ESYT1: variants seen among roughly 807,000 people sequenced by gnomAD.
ESYT1 encodes extended synaptotagmin-1.
In ESYT1, 116 loss-of-function variants were observed where a neutral mutation model predicts 154.2. That is an observed-to-expected ratio of 0.75 (90% CI 0.65 to 0.88). The LOEUF is 0.88. Ranked by LOEUF, ESYT1 falls within the 40% of genes least tolerant of loss-of-function variation. ESYT1 has a pLI of 0.00. For missense variants in ESYT1, 1,264 were observed against 1,379.3 expected, an observed-to-expected ratio of 0.92 and a Z score of 1.32; for synonymous variants, 500 against 539.9, an observed-to-expected ratio of 0.93 and a Z score of 1.02.
chr12:56,130,746 G>A (rs748525160), intron 2 of ESYT1, 45 bp from the exon 3 acceptor site: 4 of 1,613,202 alleles, frequency 2.5e-6, no homozygotes, highest in South Asian at 2.2e-5. Flanking sequence ...CTTGCCTTGA[G>A]AGGGAAGACT....
Position 56,130,826 on chromosome 12 carries a change from T to C in ESYT1, c.468T>C (p.Tyr156=). 1 of 1,614,078 alleles carries C rather than the reference T, an allele frequency of 6.2e-7. No individual in the cohort carries two copies. The highest frequency in any genetic ancestry group is 2.2e-5 in the East Asian group (1 of 44,878). ...VAQVWPFLGQ[Y]MEKLLAETVA... The stretch of plus-strand genomic sequence containing the variant: ...AGGTCTGGCCCTTCCTGGGCCAGTA[T>C]ATGGAGAAGCTTCTGGCTGAAACTG... Residue 156 remains tyrosine, a synonymous_variant, in exon 3 of 31, where the codon TAT becomes TAC. Coordinates refer to ENST00000394048, the MANE Select transcript of ESYT1 (RefSeq NM_015292.3).
In ESYT1 at chr12:56,141,596, C is replaced by A. The variant is rs376870876; in HGVS notation, c.2593-689C>A. Among the ~76,000 whole-genome samples the A allele has an allele frequency of 4.1e-3, 617 of 152,186 alleles. 3 individuals are homozygous for A. The highest frequency in any genetic ancestry group is 0.024 in the Middle Eastern group (7 of 294). ...TCTATTAAAAATACAAAAAATTAGC[C>A]GGGTGTGGTGGCGGACACCTGTAGT... On this transcript the variant is annotated intron_variant, in intron 24 of 30. Coordinates refer to ENST00000394048, the MANE Select transcript of ESYT1 (RefSeq NM_015292.3).
chr12:56,138,923 C>T lies in ESYT1; in HGVS notation c.2506-4C>T. The T allele has an allele frequency of 6.2e-7, 1 of 1,613,898 alleles. No homozygotes were observed. The highest frequency in any genetic ancestry group is 8.5e-7 in the Non-Finnish European group (1 of 1,179,814). ...TACTGATCATAAGCCCTCATCTCCA[C>T]CAGACTATTTCGCAAACTTCAGCCC... On this transcript the variant is annotated splice_region_variant and splice_polypyrimidine_tract_variant and intron_variant, in intron 23 of 30. Transcript: ENST00000394048.
rs61733171 is a variant in ESYT1, at chr12:56,137,256, G to T, written c.1821G>T (p.Thr607=). Residue 607 remains threonine (T), a synonymous_variant, in exon 17 of 31, where the codon ACG becomes ACT. Transcript: ENST00000394048. ...ATTCATCAGAAATATGCTTCCCCAC[G>T]GTGCCTGGTTGTCCTGGTGCTTGGG... is the stretch of plus-strand genomic sequence containing the variant. The part of the protein sequence containing the change: ...YLDSSEICFP[T]VPGCPGAWDV... The T allele has an allele frequency of 4.7e-3, 7,517 of 1,614,084 alleles. 330 individuals are homozygous for T. In the African/African-American group the frequency reaches 0.09, roughly 19 times the overall value.
intron 15 of ESYT1, among the ~76,000 whole-genome samples, chr12:56,135,568 T>C (rs1353650584): frequency 6.6e-6 from 1 of 151,730 alleles, no homozygotes; most frequent in African/African-American, 2.4e-5. Flanking sequence ...AGACAAGACA[T>C]ACACATATAA....
At chr12:56,139,079 C>A in intron 24 of ESYT1, 66 bp downstream of exon 24, 8 of 1,149,034 alleles carry the variant, frequency 7.0e-6, no homozygotes, top group Non-Finnish European at 9.2e-6. Flanking sequence ...AAACCAGGCA[C>A]AGAGCATTCA....
In ESYT1 at chr12:56,135,229, C is replaced by T. The variant is rs370997182; in HGVS notation, c.1632+801C>T. ...TGTTGCCCAGGCTGGAGTGCAATGGCGTGGTCTCGGCTCACCGCAACCTCC... is the reference window on the plus strand; with the variant it reads ...TGTTGCCCAGGCTGGAGTGCAATGGTGTGGTCTCGGCTCACCGCAACCTCC... On this transcript the variant is annotated intron_variant, in intron 15 of 30. Transcript: ENST00000394048. 3.9e-4 allele frequency among the ~76,000 whole-genome samples: 59 copies of T among 150,272 alleles called. No individual in the cohort carries two copies. The East Asian group carries it at 9.3e-3, about 24-fold the overall frequency.
At position 56,142,030 on chromosome 12, in the gene ESYT1, G is replaced by A. The variant is rs995948889; in HGVS notation, c.2593-255G>A. On this transcript the variant is annotated intron_variant, in intron 24 of 30. Coordinates refer to ENST00000394048, the MANE Select transcript of ESYT1 (RefSeq NM_015292.3). The surrounding 1 kb of genome is among the most constrained non-coding windows in gnomAD (Gnocchi z 4.1). ...GGAGAATCGCTTGAACCTGGGAGGCGGAGGTTGCGGTGAGACCAGATCACG... is the reference window on the plus strand; with the variant it reads ...GGAGAATCGCTTGAACCTGGGAGGCAGAGGTTGCGGTGAGACCAGATCACG... Among the ~76,000 whole-genome samples the A allele has an allele frequency of 2.0e-5, 3 of 151,656 alleles. No individual in the cohort carries two copies. Among genetic ancestry groups the A allele is most frequent in the East Asian group, 1.9e-4 (1 of 5,190 alleles).
At chr12:56,136,971 C>A in intron 16 of ESYT1, 78 bp downstream of exon 16, 2 of 1,488,406 alleles carry the variant, frequency 1.3e-6, no homozygotes, top group South Asian at 1.3e-5. Flanking sequence ...GGAAAGGGAC[C>A]CCCCTAAGAT....
At position 56,133,748 on chromosome 12, in the gene ESYT1, G is replaced by A. The variant is rs555852413; in HGVS notation, c.1381-33G>A. On this transcript the variant is annotated intron_variant, in intron 12 of 30. Coordinates refer to ENST00000394048, the MANE Select transcript of ESYT1 (RefSeq NM_015292.3). ...GGAAGTGTAGGGGACTTGGAACGGG[G>A]ACCAAGATCTGACTACTACCACCCC... 20 of 1,613,356 alleles carry A rather than the reference G, an allele frequency of 1.2e-5. No homozygotes were observed. In the South Asian group the frequency reaches 2.1e-4, roughly 17 times the overall value.
Position 56,142,673 on chromosome 12 carries a change from AC to A in ESYT1, c.2834del (p.Pro945LeufsTer14). The part of the protein sequence containing the change: ...LSEEPELSGG[P>X]PHITSSAPEL... ...GTGAAGAACCAGAGCTCTCGGGGGG[AC>A]CCCCTCACATCACCTCCTCAGCCCC... On this transcript the variant is annotated frameshift_variant, in exon 26 of 31. Transcript: ENST00000394048. LOFTEE classifies it high-confidence loss of function. This position sits in a 1 kb window ranked among gnomAD's most constrained non-coding sequence, Gnocchi z 4.1. 6.2e-7 allele frequency: 1 copy of A among 1,613,006 alleles called. No individual in the cohort carries two copies. The highest frequency in any genetic ancestry group is 8.5e-7 in the Non-Finnish European group (1 of 1,179,714).
chr12:56,128,944 G>A (rs991762401), intron 1 of ESYT1: 11 of 563,072 alleles, frequency 2.0e-5, no homozygotes, highest in African/African-American at 1.9e-4. Flanking sequence ...ACAGAATCAG[G>A]ACTTCTTCCT....
chr12:56,141,226 A>C (rs1870671946), intron 24 of ESYT1, among the ~76,000 whole-genome samples: 1 of 152,184 alleles, frequency 6.6e-6, no homozygotes, highest in South Asian at 2.1e-4. Context: ...ATGCTAGCAG[A>C]GTAGAAAGGA....
intron 24 of ESYT1, among the ~76,000 whole-genome samples, chr12:56,139,699 G>A (rs898352493): frequency 1.1e-4 from 16 of 150,194 alleles, no homozygotes; most frequent in South Asian, 6.4e-4. Context: ...AGGTTCAAGC[G>A]ATTCTCCTGC....
chr12:56,129,439 G>T (rs1236244816), intron 1 of ESYT1: 1 of 153,162 alleles, frequency 6.5e-6, no homozygotes, highest in Non-Finnish European at 1.5e-5. Flanking sequence ...TGCGGCGGCC[G>T]CGTCTCCTGT....
chr12:56,140,438 T>C (rs1176393401), intron 24 of ESYT1, among the ~76,000 whole-genome samples: 1 of 152,168 alleles, frequency 6.6e-6, no homozygotes, highest in African/African-American at 2.4e-5. Flanking sequence ...CGATCTCAGC[T>C]CACTGCAACC....
chr12:56,128,352 C>CA lies in ESYT1; in HGVS notation c.34dup (p.Ser12LysfsTer14). The stretch of plus-strand genomic sequence containing the variant: ...GATCTCCAGGAGAGGGCCCCAGCCC[C>CA]AGCCCCATGGACCAGCCCTCTGCTC... On this transcript the variant is annotated frameshift_variant, in exon 1 of 31. Coordinates refer to ENST00000394048, the MANE Select transcript of ESYT1 (RefSeq NM_015292.3). LOFTEE classifies it high-confidence loss of function. 6.2e-7 allele frequency: 1 copy of CA among 1,612,178 alleles called. No individual in the cohort carries two copies. Among genetic ancestry groups the CA allele is most frequent in the Non-Finnish European group, 8.5e-7 (1 of 1,179,448 alleles).
rs778047172 is a variant in ESYT1, at chr12:56,138,428, C to G, written c.2362C>G (p.Gln788Glu). The change falls in exon 22 of 31, where the codon CAG becomes GAG. Residue 788 changes from glutamine (Q) to glutamate (E), a missense_variant. Physicochemically the swap from Gln to Glu is conservative, Grantham distance 29 (BLOSUM62 2). Coordinates refer to ENST00000394048, the MANE Select transcript of ESYT1 (RefSeq NM_015292.3). ...EEVLQVNSLIQTQKSAELAAA... is the reference protein window; with the variant it reads ...EEVLQVNSLIETQKSAELAAA... ...GGTGCTGCAGGTGAATAGTTTGATCCAGACTCAGAAGAGTGCGGAGCTGGC... is the reference window on the plus strand; with the variant it reads ...GGTGCTGCAGGTGAATAGTTTGATCGAGACTCAGAAGAGTGCGGAGCTGGC... 8.7e-6 allele frequency: 14 copies of G among 1,613,596 alleles called. No individual in the cohort carries two copies. Among genetic ancestry groups the G allele is most frequent in the Non-Finnish European group, 1.1e-5 (13 of 1,179,880 alleles).
Position 56,128,341 on chromosome 12 carries a change from G to T in ESYT1, c.22G>T (p.Gly8Cys). The change falls in exon 1 of 31, where the codon GGC (glycine) becomes TGC (cysteine). Residue 8 changes from glycine to cysteine, a missense_variant. Physicochemically the swap from Gly to Cys is radical, Grantham distance 159. Coordinates refer to ENST00000394048, the MANE Select transcript of ESYT1 (RefSeq NM_015292.3). MERSPGE[G>C]PSPSPMDQPS... ...CACAATGGAGCGATCTCCAGGAGAG[G>T]GCCCCAGCCCCAGCCCCATGGACCA... is the stretch of plus-strand genomic sequence containing the variant. The T allele has an allele frequency of 1.9e-6, 3 of 1,611,582 alleles. No homozygotes were observed. The South Asian group carries it at 3.3e-5, about 18-fold the overall frequency.
Sources: allele counts gnomAD v4.1 joint callset (sites outside exome capture counted in the v4.1 genomes callset), GRCh38; gene constraint gnomAD v4.1.1; non-coding constraint Gnocchi (gnomAD v3.1); transcripts MANE v1.5; gene names NCBI Gene and HGNC (gene_info 2026-07-23, HGNC 2026-07-21).